SH3BP4: variants seen among roughly 807,000 people sequenced by gnomAD.
SH3BP4 encodes SH3 domain-binding protein 4.
SH3BP4 carries 33 observed loss-of-function variants against 65.5 expected under a neutral mutation model. The ratio of observed to expected loss-of-function variants is 0.50; its 90% CI spans 0.38 to 0.67. The LOEUF is 0.67. SH3BP4 is among the 30% of genes least tolerant of loss of function. The pLI, the probability that SH3BP4 is intolerant of heterozygous loss-of-function variation, is 0.00. For synonymous variants in SH3BP4, 552 were observed against 545.5 expected (o/e 1.01, Z -0.17); for missense variants, 1,134 against 1,261.4 (o/e 0.90, Z 1.53).
intron 2 of SH3BP4, among the ~76,000 whole-genome samples, chr2:235,021,886 A>G (rs925988281): frequency 1.7e-4 from 26 of 152,212 alleles, no homozygotes; most frequent in Non-Finnish European, 2.4e-4. Flanking sequence ...AGAAGGGGAC[A>G]AATTGTTCAG....
intron 2 of SH3BP4, among the ~76,000 whole-genome samples, chr2:234,996,360 C>T (rs762321915): frequency 6.6e-6 from 1 of 152,194 alleles, no homozygotes; most frequent in Non-Finnish European, 1.5e-5. Flanking sequence ...GATTTTATTT[C>T]AACTTCTCCC....
rs1418647066 is a variant in SH3BP4 at position 235,052,519 on chromosome 2, C to T, written c.2479-43C>T. 3 of 1,448,650 alleles carry T rather than the reference C, an allele frequency of 2.1e-6. No individual in the cohort carries two copies. Among genetic ancestry groups the T allele is most frequent in the Non-Finnish European group, 2.8e-6 (3 of 1,079,762 alleles). The allele number at this position is 1,448,650 out of a possible 1,614,324, so 89.7% of individuals were successfully genotyped here. ...ATTCTGCGGGGAGCAGAGCCTGCCC[C>T]ACTCCCTACACTGTCTCACGCTGTG... is the stretch of plus-strand genomic sequence containing the variant. On this transcript the variant is annotated intron_variant, in intron 4 of 5. Coordinates refer to ENST00000392011, the MANE Select transcript of SH3BP4 (RefSeq NM_014521.3). The surrounding 1 kb of genome is among the most constrained non-coding windows in gnomAD (Gnocchi z 5.0).
At chr2:234,973,368 T>C (rs1693054964) in intron 1 of SH3BP4, among the ~76,000 whole-genome samples, 1 of 152,112 alleles carries the variant, frequency 6.6e-6, no homozygotes, top group South Asian at 2.1e-4. Flanking sequence ...GCCCTCCCGG[T>C]TTTAACATTT....
intron 4 of SH3BP4, among the ~76,000 whole-genome samples, chr2:235,048,039 G>A (rs1050867199): frequency 1.3e-5 from 2 of 152,170 alleles, no homozygotes; most frequent in Non-Finnish European, 2.9e-5. Context: ...CTGGTGTGGT[G>A]TGAAGGGACT....
intron 1 of SH3BP4, among the ~76,000 whole-genome samples, chr2:234,956,843 G>A (rs1257804959): frequency 6.6e-6 from 1 of 152,000 alleles, no homozygotes; most frequent in African/African-American, 2.4e-5. Flanking sequence ...ACAGGTGTGA[G>A]GTATGTTGCC....
At chr2:234,985,018 G>T (rs1197958304) in intron 1 of SH3BP4, among the ~76,000 whole-genome samples, 4 of 152,118 alleles carry the variant, frequency 2.6e-5, no homozygotes, top group African/African-American at 9.7e-5. Flanking sequence ...AGGAGGCGGG[G>T]GCGTCGACCC....
intron 2 of SH3BP4, among the ~76,000 whole-genome samples, chr2:235,011,712 T>G (rs1413680380): frequency 9.2e-5 from 14 of 152,252 alleles, no homozygotes; most frequent in Non-Finnish European, 1.9e-4. Context: ...CGACTTACAT[T>G]AAGGAAGACT....
intron 1 of SH3BP4, among the ~76,000 whole-genome samples, chr2:234,957,967 G>A (rs957625235): frequency 4.6e-5 from 7 of 152,144 alleles, no homozygotes; most frequent in Non-Finnish European, 8.8e-5. Context: ...TCCTCCAGGG[G>A]CACGTGTCCT....
At chr2:235,050,490 C>T (rs775591144) in intron 4 of SH3BP4, among the ~76,000 whole-genome samples, 2 of 152,120 alleles carry the variant, frequency 1.3e-5, no homozygotes, top group African/African-American at 2.4e-5. Context: ...TGGCCAGCCT[C>T]GTTGGTAGCC....
rs1693205433 is a variant in SH3BP4 at position 234,977,588 on chromosome 2, G to A, written c.-206-17715G>A. ...GGCAGGTGTTGGACCTGTGGCCGTG[G>A]TGCCAGCCCCCACTAATCCCATTAG... is the stretch of plus-strand genomic sequence containing the variant. On this transcript the variant is annotated intron_variant, in intron 1 of 5. Coordinates refer to ENST00000392011, the MANE Select transcript of SH3BP4 (RefSeq NM_014521.3). The surrounding 1 kb of genome is among the most constrained non-coding windows in gnomAD (Gnocchi z 5.1). Among the ~76,000 whole-genome samples, 5 of 152,170 alleles carry A rather than the reference G, an allele frequency of 3.3e-5. No homozygotes were observed. The highest frequency in any genetic ancestry group is 2.1e-4 in the South Asian group (1 of 4,824).
At chr2:235,019,742 G>A (rs1694796148) in intron 2 of SH3BP4, among the ~76,000 whole-genome samples, 1 of 150,332 alleles carries the variant, frequency 6.7e-6, no homozygotes, top group Non-Finnish European at 1.5e-5. Flanking sequence ...GGCCAGGGAA[G>A]GGTGAGTTCT....
chr2:235,001,327 T>A (rs1694090562), intron 2 of SH3BP4, among the ~76,000 whole-genome samples: 1 of 152,208 alleles, frequency 6.6e-6, no homozygotes, highest in African/African-American at 2.4e-5. Context: ...GTCAGATTCC[T>A]TAGAGGATTT....
At chr2:234,985,210 T>TC (rs11397614) in intron 1 of SH3BP4, among the ~76,000 whole-genome samples, 1,759 of 152,296 alleles carry the variant, frequency 0.012, 40 homozygotes, top group African/African-American at 0.037. Context: ...TAGCTGGCCT[T>TC]CACTTCCACG....
At chr2:235,048,043 A>G (rs1695928364) in intron 4 of SH3BP4, among the ~76,000 whole-genome samples, 1 of 152,118 alleles carries the variant, frequency 6.6e-6, no homozygotes, top group Admixed American at 6.5e-5. Flanking sequence ...TGTGGTGTGA[A>G]GGGACTCTCT....
rs1191885468 is a variant in SH3BP4, at chr2:235,043,140, C to T, written c.2371C>T (p.Leu791=). 1 of 1,613,396 alleles carries T rather than the reference C, an allele frequency of 6.2e-7. No homozygotes were observed. Among genetic ancestry groups the T allele is most frequent in the East Asian group, 2.2e-5 (1 of 44,864 alleles). The part of the protein sequence containing the change: ...LPLTFFCRAE[L]DSEPERVASV... ...GCTCACCTTTTTCTGCCGGGCAGAGCTGGATAGTGAGCCCGAGCGGGTGGC... is the reference window on the plus strand; with the variant it reads ...GCTCACCTTTTTCTGCCGGGCAGAGTTGGATAGTGAGCCCGAGCGGGTGGC... Residue 791 remains leucine (L), a synonymous_variant, in exon 4 of 6, where the codon CTG becomes TTG. Coordinates refer to ENST00000392011, the MANE Select transcript of SH3BP4 (RefSeq NM_014521.3).
At chr2:234,955,477 C>T (rs1025212534) in intron 1 of SH3BP4, among the ~76,000 whole-genome samples, 5 of 152,166 alleles carry the variant, frequency 3.3e-5, no homozygotes, top group South Asian at 2.1e-4. Flanking sequence ...GCCCTGAGGG[C>T]GTCCACGTGT....
chr2:235,042,984 G>GT lies in SH3BP4; in HGVS notation c.2216dup (p.Leu740AlafsTer35). On this transcript the variant is annotated frameshift_variant, in exon 4 of 6. Coordinates refer to ENST00000392011, the MANE Select transcript of SH3BP4 (RefSeq NM_014521.3). LOFTEE classifies it high-confidence loss of function. The surrounding 1 kb of genome is among the most constrained non-coding windows in gnomAD (Gnocchi z 7.3). ...CTCGGGCCCCGAGCTGAGCACCTCGGTGCTGCTGGAGCAGATCCTGCGGCC... is the reference window on the plus strand; with the variant it reads ...CTCGGGCCCCGAGCTGAGCACCTCGGTTGCTGCTGGAGCAGATCCTGCGGCC... 6.2e-7 allele frequency: 1 copy of GT among 1,612,224 alleles called. No individual in the cohort carries two copies. Among genetic ancestry groups the GT allele is most frequent in the Non-Finnish European group, 8.5e-7 (1 of 1,178,956 alleles).
Position 235,052,584 on chromosome 2 carries a change from A to T in SH3BP4, c.2501A>T (p.Gln834Leu). Residue 834 changes from glutamine (Q) to leucine (L), a missense_variant, in exon 5 of 6, where the codon CAG becomes CTG. Coordinates refer to ENST00000392011, the MANE Select transcript of SH3BP4 (RefSeq NM_014521.3). This position sits in a 1 kb window ranked among gnomAD's most constrained non-coding sequence, Gnocchi z 5.0. ...LVMALLKMDCQGLVVRLIQDF... is the reference protein window; with the variant it reads ...LVMALLKMDCLGLVVRLIQDF... ...CAGGCCCTACTGAAGATGGACTGCC[A>T]GGGCCTGGTGGTCAGACTCATCCAG... 1 of 1,551,450 alleles carries T rather than the reference A, an allele frequency of 6.4e-7. No homozygotes were observed. The highest frequency in any genetic ancestry group is 8.7e-7 in the Non-Finnish European group (1 of 1,147,024).
In SH3BP4 at chr2:234,977,007, G is replaced by A. The variant is rs1031967587; in HGVS notation, c.-206-18296G>A. ...GTGCACCGACATCCATTGTGACAAAGGTGCCGTCCTCCTGTAAGACACTCA... is the reference window on the plus strand; with the variant it reads ...GTGCACCGACATCCATTGTGACAAAAGTGCCGTCCTCCTGTAAGACACTCA... On this transcript the variant is annotated intron_variant, in intron 1 of 5. Coordinates refer to ENST00000392011, the MANE Select transcript of SH3BP4 (RefSeq NM_014521.3). This position sits in a 1 kb window ranked among gnomAD's most constrained non-coding sequence, Gnocchi z 5.1. 2.0e-5 allele frequency among the ~76,000 whole-genome samples: 3 copies of A among 152,232 alleles called. No individual in the cohort carries two copies. The highest frequency in any genetic ancestry group is 7.2e-5 in the African/African-American group (3 of 41,466).
Sources: gnomAD v4.1 joint callset for allele counts (sites outside exome capture counted in the v4.1 genomes callset) on GRCh38, gnomAD v4.1.1 for gene constraint, Gnocchi (gnomAD v3.1) non-coding constraint, MANE v1.5 for transcripts, NCBI Gene and HGNC (gene_info 2026-07-23, HGNC 2026-07-21) for gene names.